The following CGNL1 variants were observed in gnomAD, a reference collection of about 807,000 sequenced individuals.
CGNL1 encodes the protein cingulin-like protein 1.
In CGNL1, 132 loss-of-function variants were observed where a neutral mutation model predicts 141.2. The observed-to-expected ratio is 0.93, with a 90% CI of 0.81 to 1.08. The LOEUF (loss-of-function observed/expected upper bound fraction) is 1.08, where lower values mean the gene tolerates loss of function less well. CGNL1 is among the 50% of genes least tolerant of loss of function. CGNL1 has a pLI of 0.00. For synonymous variants in CGNL1, 690 were observed against 622.1 expected (o/e 1.11, Z -1.63); for missense variants, 1,870 against 1,588.6 (o/e 1.18, Z -3.01).
At chr15:57,448,439 G>A (rs550215439) in intron 4 of CGNL1, among the ~76,000 whole-genome samples, 2 of 152,138 alleles carry the variant, frequency 1.3e-5, no homozygotes, top group African/African-American at 4.8e-5. Context: ...ACCTGAGATC[G>A]GGAGTTCCAG....
At chr15:57,398,321 T>G (rs564081811) in intron 1 of CGNL1, 1 of 151,958 alleles carries the variant, frequency 6.6e-6, no homozygotes, top group Non-Finnish European at 1.5e-5. Flanking sequence ...CAAATTGGGG[T>G]TTTTTTTCCT....
intron 8 of CGNL1, among the ~76,000 whole-genome samples, chr15:57,513,529 C>CT (rs546772170): frequency 2.6e-5 from 4 of 151,654 alleles, no homozygotes; most frequent in South Asian, 4.2e-4. Context: ...TATGTTTTTT[C>CT]TTTTTTTTGA....
chr15:57,384,229 T>C (rs1344992461), intron 1 of CGNL1, among the ~76,000 whole-genome samples: 50 of 152,120 alleles, frequency 3.3e-4, no homozygotes, highest in Admixed American at 3.3e-3. Flanking sequence ...GTGAGGCAGC[T>C]GGATGGGGTA....
chr15:57,488,691 C>T (rs369612065), intron 8 of CGNL1, among the ~76,000 whole-genome samples: 2 of 152,190 alleles, frequency 1.3e-5, no homozygotes, highest in African/African-American at 2.4e-5. Context: ...TAGGCATGAA[C>T]CTTTCGAGTG....
At chr15:57,545,732 A>G in intron 17 of CGNL1, 32 bp downstream of exon 17, 2 of 1,558,918 alleles carry the variant, frequency 1.3e-6, no homozygotes, top group Non-Finnish European at 8.8e-7. Context: ...TTGCTCTTAG[A>G]TGAGATTGCG....
At chr15:57,466,982 C>A (rs1311344429) in intron 8 of CGNL1, among the ~76,000 whole-genome samples, 1 of 152,056 alleles carries the variant, frequency 6.6e-6, no homozygotes, top group Non-Finnish European at 1.5e-5. Context: ...AAATATCTCC[C>A]AAGGGAATGG....
intron 7 of CGNL1, among the ~76,000 whole-genome samples, chr15:57,456,390 C>G (rs557513541): frequency 3.9e-5 from 6 of 151,906 alleles, no homozygotes; most frequent in African/African-American, 7.3e-5. Context: ...TAACATCAGA[C>G]CCCTGTATGC....
chr15:57,428,501 C>T (rs1376750863), intron 1 of CGNL1, among the ~76,000 whole-genome samples: 1 of 152,126 alleles, frequency 6.6e-6, no homozygotes, highest in Non-Finnish European at 1.5e-5. Flanking sequence ...GACTCAGAAT[C>T]AGTAGAAAAA....
intron 8 of CGNL1, among the ~76,000 whole-genome samples, chr15:57,490,823 A>T (rs1421337186): frequency 6.6e-6 from 1 of 152,174 alleles, no homozygotes; most frequent in Non-Finnish European, 1.5e-5. Context: ...GATCAATTTC[A>T]GCATCAATCA....
intron 8 of CGNL1, among the ~76,000 whole-genome samples, chr15:57,504,696 G>A (rs373385262): frequency 5.3e-5 from 8 of 152,238 alleles, no homozygotes; most frequent in East Asian, 1.9e-4. Context: ...AGGAGGATAT[G>A]GTAGATCATT....
chr15:57,421,401 T>C (rs1202609848), intron 1 of CGNL1, among the ~76,000 whole-genome samples: 3 of 152,140 alleles, frequency 2.0e-5, no homozygotes, highest in African/African-American at 7.2e-5. Flanking sequence ...TAATTCGTTT[T>C]CTACCCTTAA....
rs2062818047 is a variant in CGNL1, at chr15:57,413,647, A to G, written c.-15-24338A>G. On this transcript the variant is annotated intron_variant, in intron 1 of 18. Transcript: ENST00000281282. Reference sequence around the variant, plus strand: ...TCTTTTTTCTCTTTTCTTTTAAAAAATTAATCAACAGACATTTTATTTAGA... The same window carrying G: ...TCTTTTTTCTCTTTTCTTTTAAAAAGTTAATCAACAGACATTTTATTTAGA... Among the ~76,000 whole-genome samples, 4 of 152,380 alleles carry G rather than the reference A, an allele frequency of 2.6e-5. No individual in the cohort carries two copies. In the South Asian group the frequency reaches 8.3e-4, roughly 32 times the overall value.
In CGNL1 at chr15:57,545,564, G is replaced by A. The variant is rs193297932; in HGVS notation, c.3501-28G>A. 4.5e-5 allele frequency: 72 copies of A among 1,597,908 alleles called. No individual in the cohort carries two copies. The East Asian group carries it at 1.1e-3, about 24-fold the overall frequency. ...CCCCTGCAGGGATGGGAGTGAGAGG[G>A]TTCTTGGTTCTGTCTCCCCTCTTCC... On this transcript the variant is annotated intron_variant, in intron 16 of 18. Transcript: ENST00000281282.
At chr15:57,453,087 TCAGGA>T (rs1377105194) in intron 6 of CGNL1, among the ~76,000 whole-genome samples, 1 of 152,202 alleles carries the variant, frequency 6.6e-6, no homozygotes, top group African/African-American at 2.4e-5. Flanking sequence ...TGAGTTTGGT[TCAGGA>T]CAGAGTTTTG....
rs191772200 is a variant in CGNL1, at chr15:57,421,345, G to C, written c.-15-16640G>C. ...TGATACACCATTATATATAGAAAAA[G>C]TATAGACATCCCTGTGCTGTGGAGA... On this transcript the variant is annotated intron_variant, in intron 1 of 18. Transcript: ENST00000281282. Among the ~76,000 whole-genome samples, 30 of 152,302 alleles carry C rather than the reference G, an allele frequency of 2.0e-4. No individual in the cohort carries two copies. The East Asian group carries it at 5.8e-3, about 29-fold the overall frequency.
At chr15:57,501,020 C>T (rs1036186161) in intron 8 of CGNL1, among the ~76,000 whole-genome samples, 4 of 152,164 alleles carry the variant, frequency 2.6e-5, no homozygotes, top group Non-Finnish European at 4.4e-5. Flanking sequence ...TGGGAGAATG[C>T]GTGTGTATGC....
At chr15:57,456,765 G>T (rs1302227341) in intron 7 of CGNL1, among the ~76,000 whole-genome samples, 1 of 152,106 alleles carries the variant, frequency 6.6e-6, no homozygotes, top group Non-Finnish European at 1.5e-5. Context: ...ACGATGGTGG[G>T]GTTTTCTAAT....
chr15:57,486,102 G>C (rs2063781751), intron 8 of CGNL1, among the ~76,000 whole-genome samples: 1 of 152,160 alleles, frequency 6.6e-6, no homozygotes, highest in African/African-American at 2.4e-5. Flanking sequence ...GGCAGGCTGA[G>C]GTGGTGACCT....
At chr15:57,461,108 C>G (rs541789699) in intron 7 of CGNL1, among the ~76,000 whole-genome samples, 1 of 152,266 alleles carries the variant, frequency 6.6e-6, no homozygotes, top group African/African-American at 2.4e-5. Flanking sequence ...ATAGTGGAGC[C>G]TGTTGCCCCA....
Sources: gnomAD v4.1 joint callset for allele counts (sites outside exome capture counted in the v4.1 genomes callset) on GRCh38, gnomAD v4.1.1 for gene constraint, MANE v1.5 for transcripts, NCBI Gene and HGNC (gene_info 2026-07-23, HGNC 2026-07-21) for gene names.